Variants in CLASP1 observed in about 807,000 individuals in gnomAD.
CLASP1 encodes cytoplasmic linker associated protein 1.
CLASP1 carries 38 observed loss-of-function variants against 192.3 expected under a neutral mutation model. The ratio of observed to expected loss-of-function variants is 0.20; its 90% CI spans 0.15 to 0.26. The LOEUF is 0.26. Among genes scored for constraint, CLASP1 ranks in the 10% least tolerant of loss-of-function variants. CLASP1 has a pLI of 1.00. For synonymous variants in CLASP1, 691 were observed against 712.8 expected (o/e 0.97, Z 0.49); for missense variants, 1,433 against 1,932.5 (o/e 0.74, Z 4.85).
intron 1 of CLASP1, among the ~76,000 whole-genome samples, chr2:121,625,583 C>A (rs1576566777): frequency 6.6e-6 from 1 of 151,716 alleles, no homozygotes; most frequent in Non-Finnish European, 1.5e-5. Flanking sequence ...TACAGGCACC[C>A]GCCACCAGTC....
intron 1 of CLASP1, among the ~76,000 whole-genome samples, chr2:121,648,864 CCCGGTTGG>C (rs1174601728): frequency 6.6e-6 from 1 of 152,256 alleles, no homozygotes; most frequent in Non-Finnish European, 1.5e-5. Flanking sequence ...TTTTGTCTGG[CCCGGTTGG>C]GAGCCCAGGA....
intron 2 of CLASP1, among the ~76,000 whole-genome samples, chr2:121,604,173 A>C (rs1221138671): frequency 6.6e-6 from 1 of 152,252 alleles, no homozygotes; most frequent in Non-Finnish European, 1.5e-5. Flanking sequence ...TAGGTATCCC[A>C]TGAGTATGTA....
chr2:121,460,438 C>A (rs541174174), intron 11 of CLASP1, among the ~76,000 whole-genome samples: 19 of 152,174 alleles, frequency 1.2e-4, no homozygotes, highest in African/African-American at 3.9e-4. Flanking sequence ...TAATTAAAAA[C>A]TTTTGGCTTG....
intron 8 of CLASP1, among the ~76,000 whole-genome samples, chr2:121,495,009 A>G (rs1421675639): frequency 6.9e-6 from 1 of 144,850 alleles, no homozygotes; most frequent in Non-Finnish European, 1.5e-5. Context: ...GTGACAGAGC[A>G]AGACTCCATC....
Position 121,386,774 on chromosome 2 carries a change from C to T in CLASP1, c.3374+348G>A, listed in dbSNP as rs553850417. Among the ~76,000 whole-genome samples the T allele has an allele frequency of 6.6e-5, 10 of 152,288 alleles. No individual in the cohort carries two copies. In the East Asian group the frequency reaches 1.7e-3, roughly 26 times the overall value. ...CAAGTTGGCTTGGATGACTAAATAC[C>T]TTTAGGTTCTACCACTTGCAGAATG... On this transcript the variant is annotated intron_variant, in intron 32 of 39. Coordinates refer to ENST00000263710, the Ensembl canonical transcript of CLASP1.
intron 33 of CLASP1, among the ~76,000 whole-genome samples, chr2:121,381,163 T>G (rs1339431674): frequency 6.6e-6 from 1 of 152,208 alleles, no homozygotes; most frequent in Non-Finnish European, 1.5e-5. Context: ...TTTAGAGGTA[T>G]AAGAGCTTCA....
intron 1 of CLASP1, among the ~76,000 whole-genome samples, chr2:121,612,229 T>C (rs1472169710): frequency 2.6e-5 from 3 of 113,316 alleles, no homozygotes; most frequent in African/African-American, 3.5e-5. Context: ...GGAGGAGTTA[T>C]AGGAGGAAGA....
intron 2 of CLASP1, among the ~76,000 whole-genome samples, chr2:121,578,343 G>A (rs1285890288): frequency 6.8e-6 from 1 of 146,012 alleles, no homozygotes; most frequent in African/African-American, 2.5e-5. Context: ...GATCACTTAA[G>A]GCCAGGAGTT....
intron 2 of CLASP1, among the ~76,000 whole-genome samples, chr2:121,588,900 C>A (rs1406029943): frequency 6.6e-6 from 1 of 152,206 alleles, no homozygotes; most frequent in Non-Finnish European, 1.5e-5. Context: ...CATTTTCGTG[C>A]ACAGCCATGT....
At chr2:121,644,080 G>A (rs1041485968) in intron 1 of CLASP1, among the ~76,000 whole-genome samples, 2 of 152,058 alleles carry the variant, frequency 1.3e-5, no homozygotes, top group Admixed American at 6.6e-5. Flanking sequence ...CACTTTACAC[G>A]TATTATCTCA....
intron 2 of CLASP1, chr2:121,531,023 CAT>C (rs1328090957): frequency 1.4e-6 from 1 of 700,256 alleles, no homozygotes; most frequent in Admixed American, 2.0e-5. Context: ...AACCTGTTTT[CAT>C]AGACTTATCA....
intron 2 of CLASP1, among the ~76,000 whole-genome samples, chr2:121,551,679 A>G (rs2058059372): frequency 1.3e-5 from 2 of 152,182 alleles, no homozygotes; most frequent in African/African-American, 4.8e-5. Context: ...ATTACAAAAC[A>G]CTGCTCAGAG....
At chr2:121,486,174 C>T (rs2092959575) in intron 8 of CLASP1, among the ~76,000 whole-genome samples, 1 of 152,144 alleles carries the variant, frequency 6.6e-6, no homozygotes, top group Non-Finnish European at 1.5e-5. Flanking sequence ...AAGCTTCTTC[C>T]TGGTAATAGG....
intron 1 of CLASP1, among the ~76,000 whole-genome samples, chr2:121,615,293 C>T (rs1189445420): frequency 1.3e-5 from 2 of 151,764 alleles, no homozygotes; most frequent in African/African-American, 4.8e-5. Flanking sequence ...GAGCCAAGAT[C>T]ACGGAACTGC....
At chr2:121,504,659 T>C (rs2093883117) in intron 7 of CLASP1, among the ~76,000 whole-genome samples, 1 of 152,204 alleles carries the variant, frequency 6.6e-6, no homozygotes, top group Non-Finnish European at 1.5e-5. Context: ...TAGTGAGTTC[T>C]TACCCTCTGG....
At chr2:121,471,548 TG>T (rs1178364191) in intron 8 of CLASP1, among the ~76,000 whole-genome samples, 1 of 152,082 alleles carries the variant, frequency 6.6e-6, no homozygotes, top group African/African-American at 2.4e-5. Context: ...CTGTTTTCCT[TG>T]ATCTAGTTGC....
intron 2 of CLASP1, among the ~76,000 whole-genome samples, chr2:121,577,600 T>C (rs2060650624): frequency 6.6e-6 from 1 of 152,190 alleles, no homozygotes; most frequent in Non-Finnish European, 1.5e-5. Context: ...TCCTCACTGT[T>C]CTGTGGCAAC....
intron 20 of CLASP1, among the ~76,000 whole-genome samples, chr2:121,428,111 C>A (rs1454613779): frequency 6.6e-6 from 1 of 152,068 alleles, no homozygotes; most frequent in Non-Finnish European, 1.5e-5. Context: ...AAAAGGGGAG[C>A]CCCAAGGCTA....
At chr2:121,525,757 C>T in intron 6 of CLASP1, 88 bp downstream of exon 6, 1 of 844,738 alleles carries the variant, frequency 1.2e-6, no homozygotes. Flanking sequence ...AAGATTAGGA[C>T]TCCAGTCCCA....
Sources: allele counts gnomAD v4.1 joint callset (sites outside exome capture counted in the v4.1 genomes callset), GRCh38; gene constraint gnomAD v4.1.1; transcripts MANE v1.5; gene names NCBI Gene and HGNC (gene_info 2026-07-23, HGNC 2026-07-21).